LINGO2: variants seen among roughly 807,000 people sequenced by gnomAD.
LINGO2 encodes leucine rich repeat and Ig domain containing 2.
Under a neutral mutation model 30.6 loss-of-function variants are expected in LINGO2, and 14 were observed. The ratio of observed to expected loss-of-function variants is 0.46; its 90% CI spans 0.30 to 0.72. LINGO2 has a LOEUF of 0.72. Among genes scored for constraint, LINGO2 ranks in the 30% least tolerant of loss-of-function variants. The pLI is 0.07. For missense variants in LINGO2, 729 were observed against 751.7 expected, an observed-to-expected ratio of 0.97 and a Z score of 0.35; for synonymous variants, 317 against 288.5, an observed-to-expected ratio of 1.10 and a Z score of -1.00.
intron 4 of LINGO2, among the ~76,000 whole-genome samples, chr9:28,187,357 G>A (rs181669787): frequency 1.4e-4 from 22 of 152,100 alleles, no homozygotes; most frequent in Admixed American, 1.2e-3. Flanking sequence ...GAGCATGGTC[G>A]CAAGGGCCTG....
At chr9:29,126,179 T>C in the LINGO2 span, among the ~76,000 whole-genome samples, 1 of 152,030 alleles carries the variant, frequency 6.6e-6, no homozygotes, top group Non-Finnish European at 1.5e-5. Flanking sequence ...AATAAATACT[T>C]AGGGGGAAAA....
chr9:28,506,393 C>T (rs1199703935), intron 1 of LINGO2, among the ~76,000 whole-genome samples: 5 of 19,484 alleles, frequency 2.6e-4, no homozygotes, highest in African/African-American at 6.7e-4. Context: ...TTGAGGGCTT[C>T]TTAGACATAT....
intron 1 of LINGO2, among the ~76,000 whole-genome samples, chr9:28,509,553 T>G (rs6476077): frequency 0.96 from 146,928 of 152,288 alleles, 71,039 homozygotes; most frequent in Non-Finnish European, 1. Context: ...CTATCAAAAT[T>G]TGTATGTTAA....
chr9:28,704,840 T>C, the LINGO2 span, among the ~76,000 whole-genome samples: 1 of 152,084 alleles, frequency 6.6e-6, no homozygotes, highest in Non-Finnish European at 1.5e-5. Context: ...GCCCTTAGCA[T>C]GTTATTCAAA....
intron 3 of LINGO2, among the ~76,000 whole-genome samples, chr9:28,310,074 C>A (rs1406784902): frequency 6.6e-6 from 1 of 152,016 alleles, no homozygotes; most frequent in African/African-American, 2.4e-5. Context: ...TATGACACAA[C>A]CATTTTGAAG....
chr9:28,179,416 ATATG>A (rs1217598916), intron 4 of LINGO2, among the ~76,000 whole-genome samples: 3 of 130,458 alleles, frequency 2.3e-5, no homozygotes, highest in Non-Finnish European at 4.8e-5. Flanking sequence ...ATAGTATACT[ATATG>A]TATGTATACT....
At chr9:28,069,039 A>C (rs967294) in intron 4 of LINGO2, among the ~76,000 whole-genome samples, 2 of 151,866 alleles carry the variant, frequency 1.3e-5, no homozygotes, top group African/African-American at 4.8e-5. Flanking sequence ...ACAGAGAAGC[A>C]GAAGATAAAA....
chr9:28,287,625 T>G (rs1377221621), intron 4 of LINGO2, among the ~76,000 whole-genome samples: 1 of 152,078 alleles, frequency 6.6e-6, no homozygotes, highest in Non-Finnish European at 1.5e-5. Context: ...ACACAGTGAT[T>G]GATGTGATGA....
At chr9:27,989,191 C>T (rs912186563) in intron 5 of LINGO2, among the ~76,000 whole-genome samples, 14 of 151,956 alleles carry the variant, frequency 9.2e-5, no homozygotes, top group Non-Finnish European at 5.9e-5. Context: ...CTTGTTCTTT[C>T]ACTAAGTTCA....
chr9:28,505,617 C>T (rs1467353598), intron 1 of LINGO2, among the ~76,000 whole-genome samples: 1 of 151,780 alleles, frequency 6.6e-6, no homozygotes, highest in East Asian at 1.9e-4. Context: ...AAACAGAGGG[C>T]TTTTTGTTCC....
At chr9:28,350,182 C>G (rs963393352) in intron 3 of LINGO2, among the ~76,000 whole-genome samples, 2 of 144,054 alleles carry the variant, frequency 1.4e-5, no homozygotes, top group African/African-American at 2.6e-5. Flanking sequence ...ACTAAATGCT[C>G]CAATTAAAAG....
At chr9:28,055,657 G>A (rs1455897778) in intron 4 of LINGO2, among the ~76,000 whole-genome samples, 1 of 152,102 alleles carries the variant, frequency 6.6e-6, no homozygotes, top group Non-Finnish European at 1.5e-5. Context: ...AGTTTGTTAG[G>A]TTTGCTAGAT....
intron 2 of LINGO2, among the ~76,000 whole-genome samples, chr9:28,393,636 C>T (rs979011301): frequency 6.6e-6 from 1 of 152,052 alleles, no homozygotes; most frequent in Non-Finnish European, 1.5e-5. Context: ...AGATAAATAG[C>T]GATGGAGTGG....
chr9:28,863,746 C>CAGT, the LINGO2 span: 1 of 445,930 alleles, frequency 2.2e-6, no homozygotes, highest in Non-Finnish European at 5.0e-6. Context: ...CCAACAAAAA[C>CAGT]AGTACCCTTT....
the LINGO2 span, among the ~76,000 whole-genome samples, chr9:28,839,696 T>C: frequency 6.6e-6 from 1 of 152,104 alleles, no homozygotes; most frequent in East Asian, 1.9e-4. Context: ...TGGGCAGCCA[T>C]GGGCAGGGTT....
intron 2 of LINGO2, among the ~76,000 whole-genome samples, chr9:28,373,938 T>A (rs1158558984): frequency 1.3e-5 from 2 of 149,802 alleles, no homozygotes; most frequent in Non-Finnish European, 3.0e-5. Flanking sequence ...CAGACAAGCA[T>A]AATAATAATA....
chr9:28,395,176 C>A (rs957281883), intron 2 of LINGO2, among the ~76,000 whole-genome samples: 4 of 152,100 alleles, frequency 2.6e-5, no homozygotes, highest in Non-Finnish European at 4.4e-5. Context: ...TTGAAATAAA[C>A]AGAAGAAAGC....
At chr9:28,954,412 C>G in the LINGO2 span, among the ~76,000 whole-genome samples, 1 of 151,938 alleles carries the variant, frequency 6.6e-6, no homozygotes, top group Admixed American at 6.6e-5. Context: ...ATTCAAAGAA[C>G]AAGTTATAAA....
intron 4 of LINGO2, among the ~76,000 whole-genome samples, chr9:28,109,015 A>T (rs1826686548): frequency 1.3e-5 from 2 of 152,196 alleles, no homozygotes. Context: ...TGGCAAGCCA[A>T]ATCCAGCAGC....
Sources: gnomAD v4.1 joint callset for allele counts (sites outside exome capture counted in the v4.1 genomes callset) on GRCh38, gnomAD v4.1.1 for gene constraint, MANE v1.5 for transcripts, NCBI Gene and HGNC (gene_info 2026-07-23, HGNC 2026-07-21) for gene names.